CADPS2: variants seen among roughly 807,000 people sequenced by gnomAD.
The protein encoded by CADPS2 is calcium-dependent secretion activator 2.
A neutral mutation model predicts 172.5 loss-of-function variants in CADPS2; 93 were observed. The ratio of observed to expected loss-of-function variants is 0.54; its 90% CI spans 0.46 to 0.64. The LOEUF is 0.64. Ranked by LOEUF, CADPS2 falls within the 30% of genes least tolerant of loss-of-function variation. The pLI, the probability that CADPS2 is intolerant of heterozygous loss-of-function variation, is 0.00. For synonymous variants in CADPS2, 546 were observed against 555.2 expected, an observed-to-expected ratio of 0.98 and a Z score of 0.23; for missense variants, 1,420 against 1,565.9, an observed-to-expected ratio of 0.91 and a Z score of 1.57.
At chr7:122,853,170 C>T (rs1214779055) in intron 1 of CADPS2, among the ~76,000 whole-genome samples, 1 of 152,168 alleles carries the variant, frequency 6.6e-6, no homozygotes, top group East Asian at 1.9e-4. Flanking sequence ...CAGTCCTAGA[C>T]AGCTGGCTTC....
chr7:122,432,447 C>T (rs1166071196), intron 17 of CADPS2, among the ~76,000 whole-genome samples: 1 of 151,932 alleles, frequency 6.6e-6, no homozygotes, highest in East Asian at 1.9e-4. Context: ...CAAGATCAGC[C>T]TGGCCAACAT....
intron 1 of CADPS2, among the ~76,000 whole-genome samples, chr7:122,871,727 TCTTA>T (rs1819804362): frequency 6.6e-6 from 1 of 152,096 alleles, no homozygotes; most frequent in Non-Finnish European, 1.5e-5. Context: ...TCAATCTCCA[TCTTA>T]CTTGATCATT....
At chr7:122,760,706 G>A (rs573878032) in intron 1 of CADPS2, among the ~76,000 whole-genome samples, 34 of 150,866 alleles carry the variant, frequency 2.3e-4, no homozygotes, top group South Asian at 4.2e-4. Context: ...GCAAACTATC[G>A]CAAGGACAAA....
Position 122,541,829 on chromosome 7 carries a change from AT to A in CADPS2, c.1475+12720del, listed in dbSNP as rs2063085166. Among the ~76,000 whole-genome samples the A allele has an allele frequency of 1.5e-4, 18 of 116,186 alleles. No individual in the cohort carries two copies. The South Asian group carries it at 4.3e-3, about 28-fold the overall frequency. 76.2% of individuals were successfully genotyped at this position (116,186 alleles called of 152,430 possible). A position where few individuals can be genotyped will look rare whatever the true frequency, so the allele number is the denominator to read the frequency against. Reference sequence around the variant, plus strand: ...TATTTATATATTCATATGTTTATATATTCATATGTTTATATATTCATATATA... The same window carrying A: ...TATTTATATATTCATATGTTTATATATCATATGTTTATATATTCATATATA... On this transcript the variant is annotated intron_variant, in intron 8 of 29. Coordinates refer to ENST00000449022, the MANE Select transcript of CADPS2 (RefSeq NM_017954.11).
intron 9 of CADPS2, among the ~76,000 whole-genome samples, chr7:122,512,708 A>C (rs1426900592): frequency 1.3e-5 from 2 of 152,126 alleles, no homozygotes; most frequent in Non-Finnish European, 2.9e-5. Context: ...CAGTTAGTAC[A>C]AATATATTTA....
intron 2 of CADPS2, chr7:122,701,852 C>A: frequency 6.3e-7 from 1 of 1,596,974 alleles, no homozygotes; most frequent in Non-Finnish European, 8.5e-7. Context: ...CAGGATGTCA[C>A]ACTTGCACAT....
rs2038367690 is a variant in CADPS2 at position 122,350,414 on chromosome 7, A to G, written c.3505-4733T>C. 2.6e-5 allele frequency among the ~76,000 whole-genome samples: 4 copies of G among 152,196 alleles called. No individual in the cohort carries two copies. The South Asian group carries it at 8.3e-4, about 31-fold the overall frequency. ...TATCTTTAATGCTCTGGCATTTATC[A>G]ATTTCTGTATTTTTATATTTGAATA... On this transcript the variant is annotated intron_variant, in intron 27 of 29. Coordinates refer to ENST00000449022, the MANE Select transcript of CADPS2 (RefSeq NM_017954.11).
At chr7:122,414,655 A>C (rs558214245) in intron 18 of CADPS2, among the ~76,000 whole-genome samples, 3 of 152,328 alleles carry the variant, frequency 2.0e-5, no homozygotes, top group African/African-American at 7.2e-5. Flanking sequence ...TGCAAGCTAA[A>C]AACTAGATTC....
chr7:122,725,405 GGATA>G (rs1268912832), intron 2 of CADPS2, among the ~76,000 whole-genome samples: 9 of 151,870 alleles, frequency 5.9e-5, no homozygotes, highest in African/African-American at 2.2e-4. Context: ...ATGGATGGAT[GGATA>G]GATTGATTGA....
chr7:122,402,105 C>T (rs2046029574), intron 20 of CADPS2, among the ~76,000 whole-genome samples: 1 of 152,126 alleles, frequency 6.6e-6, no homozygotes, highest in South Asian at 2.1e-4. Flanking sequence ...AGTTCAGTCT[C>T]TAGAAGTCTT....
chr7:122,716,986 C>T (rs1168420974), intron 2 of CADPS2, among the ~76,000 whole-genome samples: 2 of 152,220 alleles, frequency 1.3e-5, no homozygotes, highest in East Asian at 3.9e-4. Flanking sequence ...AACTCTGTAA[C>T]GTGGTATCAT....
rs6958589 is a variant in CADPS2 at position 122,557,958 on chromosome 7, T to A, written c.1336-3269A>T. Reference sequence around the variant, plus strand: ...ATGTCTTTACCCCACTTTATTCCACTGCCAGCCAAGTTCAGAGAACACCAA... The same window carrying A: ...ATGTCTTTACCCCACTTTATTCCACAGCCAGCCAAGTTCAGAGAACACCAA... On this transcript the variant is annotated intron_variant, in intron 7 of 29. Transcript: ENST00000449022. Among the ~76,000 whole-genome samples the A allele has an allele frequency of 1.0e-2, 1,519 of 152,204 alleles. 22 individuals carry two copies. The highest frequency in any genetic ancestry group is 0.035 in the African/African-American group (1,458 of 41,530).
At chr7:122,422,914 G>C (rs139632948) in intron 17 of CADPS2, among the ~76,000 whole-genome samples, 1 of 151,964 alleles carries the variant, frequency 6.6e-6, no homozygotes, top group African/African-American at 2.4e-5. Context: ...AGCCGAGATC[G>C]CGCCACTGCA....
intron 25 of CADPS2, among the ~76,000 whole-genome samples, chr7:122,367,339 T>C (rs1466701627): frequency 2.0e-5 from 3 of 151,726 alleles, no homozygotes; most frequent in Non-Finnish European, 4.4e-5. Context: ...TCTGTATCAA[T>C]ATAGTTGTGG....
intron 28 of CADPS2, among the ~76,000 whole-genome samples, chr7:122,336,054 A>G (rs557670726): frequency 6.6e-6 from 1 of 152,356 alleles, no homozygotes; most frequent in East Asian, 1.9e-4. Context: ...GGGCTGTGCT[A>G]AGATCAAGAA....
intron 17 of CADPS2, among the ~76,000 whole-genome samples, chr7:122,417,091 T>C (rs147182912): frequency 1.0e-3 from 158 of 152,332 alleles, no homozygotes; most frequent in African/African-American, 3.6e-3. Context: ...AGGGCATTTT[T>C]TTTTCCTACA....
At chr7:122,850,260 TG>T in intron 1 of CADPS2, 16 of 956,766 alleles carry the variant, frequency 1.7e-5, no homozygotes, top group East Asian at 3.3e-5. Flanking sequence ...CCTGCTCCAC[TG>T]GGGGCCCCAG....
At chr7:122,560,139 T>G (rs181440385) in intron 7 of CADPS2, among the ~76,000 whole-genome samples, 1 of 152,176 alleles carries the variant, frequency 6.6e-6, no homozygotes, top group East Asian at 1.9e-4. Context: ...AAGACTTCAT[T>G]TAAGGTTTAA....
intron 17 of CADPS2, among the ~76,000 whole-genome samples, chr7:122,420,322 TACAA>T (rs1308735296): frequency 1.3e-5 from 2 of 152,218 alleles, no homozygotes; most frequent in Admixed American, 6.5e-5. Context: ...CTATCTTAAG[TACAA>T]ACTCTGAGAG....
Sources: allele counts gnomAD v4.1 joint callset (sites outside exome capture counted in the v4.1 genomes callset), GRCh38; gene constraint gnomAD v4.1.1; transcripts MANE v1.5; gene names NCBI Gene and HGNC (gene_info 2026-07-23, HGNC 2026-07-21).